The following MTFR1 variants were observed in gnomAD, a reference collection of about 807,000 sequenced individuals.
MTFR1 encodes the protein chondrocyte protein with a poly-proline region.
In MTFR1, 28 loss-of-function variants were observed where a neutral mutation model predicts 38.8. That is an observed-to-expected ratio of 0.72 (90% CI 0.53 to 0.99). The LOEUF is 0.99. MTFR1 is among the 50% of genes least tolerant of loss of function. The pLI is 0.00. For missense variants in MTFR1, 358 were observed against 395.5 expected (o/e 0.91, Z 0.81); for synonymous variants, 145 against 137.0 (o/e 1.06, Z -0.41).
chr8:65,691,839 C>T (rs1805291168), intron 3 of MTFR1, among the ~76,000 whole-genome samples: 1 of 152,100 alleles, frequency 6.6e-6, no homozygotes, highest in Non-Finnish European at 1.5e-5. Flanking sequence ...TTTAATGCTA[C>T]TTTATTAAGT....
In MTFR1 at chr8:65,745,984, G is replaced by C. The variant is rs780147549; in HGVS notation, c.*49-24963G>C. ...TCACTGTCACCAAGGCTGGAATGCA[G>C]TGGCACAAACAAGACGGCTCACTGC... On this transcript the variant is annotated intron_variant, in intron 3 of 3. Transcript: ENST00000521247. Among the ~76,000 whole-genome samples, 10 of 151,954 alleles carry C rather than the reference G, an allele frequency of 6.6e-5. No homozygotes were observed. In the South Asian group the frequency reaches 1.0e-3, roughly 16 times the overall value.
At position 65,682,395 on chromosome 8, in the gene MTFR1, G is replaced by T. The variant is rs535623523; in HGVS notation, c.109G>T (p.Val37Leu). Residue 37 changes from valine to leucine, a missense_variant, in exon 3 of 8, where the codon GTA becomes TTA. Val to Leu is a conservative substitution (Grantham distance 32). Coordinates refer to ENST00000262146, the MANE Select transcript of MTFR1 (RefSeq NM_014637.4). ...RKPYGSSRSI[V>L]RKIGTNLSLI... Reference sequence around the variant, plus strand: ...GCCATATGGTTCGTCTCGAAGTATCGTAAGGAAAATTGGTACTAATTTGTC... The same window carrying T: ...GCCATATGGTTCGTCTCGAAGTATCTTAAGGAAAATTGGTACTAATTTGTC... The T allele has an allele frequency of 6.4e-7, 1 of 1,571,694 alleles. No individual in the cohort carries two copies. Among genetic ancestry groups the T allele is most frequent in the Non-Finnish European group, 8.6e-7 (1 of 1,158,142 alleles).
chr8:65,777,222 G>C, the MTFR1 span, among the ~76,000 whole-genome samples: 2 of 151,746 alleles, frequency 1.3e-5, no homozygotes, highest in Non-Finnish European at 2.9e-5. Context: ...TGGGATTACA[G>C]GCATGCACCA....
chr8:65,706,923 AT>A, intron 5 of MTFR1, 86 bp from the exon 6 acceptor site: 1 of 1,448,906 alleles, frequency 6.9e-7, no homozygotes, highest in South Asian at 1.4e-5. Flanking sequence ...GGGTACAAAA[AT>A]CTTTAACATC....
chr8:65,704,482 A>G (rs1203822904), intron 4 of MTFR1, among the ~76,000 whole-genome samples: 1 of 152,236 alleles, frequency 6.6e-6, no homozygotes, highest in East Asian at 1.9e-4. Context: ...ATTGACTAAG[A>G]AAAATGATGG....
chr8:65,755,471 T>C (rs1255585927), intron 3 of MTFR1, among the ~76,000 whole-genome samples: 1 of 152,242 alleles, frequency 6.6e-6, no homozygotes, highest in Non-Finnish European at 1.5e-5. Context: ...TATAAAGACC[T>C]AGTTTGAATA....
chr8:65,699,749 C>G lies in MTFR1; in HGVS notation c.282-4945C>G, dbSNP rs191245561. 4.5e-3 allele frequency among the ~76,000 whole-genome samples: 683 copies of G among 152,300 alleles called. 7 individuals are homozygous for G. The highest frequency in any genetic ancestry group is 7.0e-3 in the Non-Finnish European group (474 of 68,026). ...TCCTGCCTGCTCTCTGCCATCTTCC[C>G]CGAATGGAATCTACCCTTCTGTGTT... On this transcript the variant is annotated intron_variant, in intron 4 of 7. Coordinates refer to ENST00000262146, the MANE Select transcript of MTFR1 (RefSeq NM_014637.4).
chr8:65,708,448 C>G (rs1349171313), intron 7 of MTFR1: 1 of 295,630 alleles, frequency 3.4e-6, no homozygotes, highest in East Asian at 9.5e-5. Flanking sequence ...CTCAGGGCAC[C>G]CTGTGAAAGT....
In MTFR1 at chr8:65,693,799, A is replaced by G. The variant is rs201003084; in HGVS notation, c.281+40A>G. On this transcript the variant is annotated intron_variant, in intron 4 of 7. Coordinates refer to ENST00000262146, the MANE Select transcript of MTFR1 (RefSeq NM_014637.4). The stretch of plus-strand genomic sequence containing the variant: ...CTATCAGAACTGAGATGCAATATCT[A>G]TTTTTTTAAAGAATGATATTATTTG... 7.6e-5 allele frequency: 111 copies of G among 1,452,372 alleles called. No homozygotes were observed. In the African/African-American group the frequency reaches 1.0e-3, roughly 13 times the overall value. 90.0% of individuals were successfully genotyped at this position (1,452,372 alleles called of 1,614,324 possible). A position where few individuals can be genotyped will look rare whatever the true frequency, so the allele number is the denominator to read the frequency against.
chr8:65,747,777 A>G, intron 3 of MTFR1: 1 of 1,608,190 alleles, frequency 6.2e-7, no homozygotes, highest in Non-Finnish European at 8.5e-7. Context: ...TTCCTTGCAG[A>G]GACAGACACT....
chr8:65,757,092 T>A (rs1293183610), intron 3 of MTFR1, among the ~76,000 whole-genome samples: 1 of 152,098 alleles, frequency 6.6e-6, no homozygotes, highest in Admixed American at 6.5e-5. Flanking sequence ...TATGGAAGCT[T>A]CATAATGTCA....
intron 1 of MTFR1, among the ~76,000 whole-genome samples, chr8:65,666,610 A>G (rs550831064): frequency 6.6e-6 from 1 of 152,310 alleles, no homozygotes; most frequent in Non-Finnish European, 1.5e-5. Flanking sequence ...CAAATAGAAG[A>G]TAATTTGATA....
intron 3 of MTFR1, among the ~76,000 whole-genome samples, chr8:65,758,252 C>T (rs76251217): frequency 0.093 from 14,193 of 152,118 alleles, 818 homozygotes; most frequent in Non-Finnish European, 0.13. Flanking sequence ...GAAGGCACAA[C>T]CCACCCCCAT....
At position 65,709,031 on chromosome 8, in the gene MTFR1, T is replaced by C; in HGVS notation, c.989T>C (p.Val330Ala). 6 of 1,613,992 alleles carry C rather than the reference T, an allele frequency of 3.7e-6. No individual in the cohort carries two copies. The Middle Eastern group carries it at 4.9e-4, about 133-fold the overall frequency. Residue 330 changes from valine to alanine, a missense_variant, in exon 8 of 8, where the codon GTA (valine) becomes GCA (alanine). By Grantham distance (64) the Val-to-Ala change is moderately conservative. Coordinates refer to ENST00000262146, the MANE Select transcript of MTFR1 (RefSeq NM_014637.4). ...TGKMKALIEN[V>A]SDS ...AAAATGAAGGCTTTAATTGAAAATGTATCAGACTCCTAATAGACAATGAGC... is the reference window on the plus strand; with the variant it reads ...AAAATGAAGGCTTTAATTGAAAATGCATCAGACTCCTAATAGACAATGAGC...
At chr8:65,655,951 A>AAATATATATATATATGT (rs1554545336) in intron 1 of MTFR1, among the ~76,000 whole-genome samples, 10 of 55,380 alleles carry the variant, frequency 1.8e-4, no homozygotes, top group South Asian at 1.6e-3. Context: ...TAAAAAAAAA[A>AAATATATATATATATGT]ATATATATAT....
chr8:65,692,310 T>C (rs779113719), intron 3 of MTFR1, among the ~76,000 whole-genome samples: 1 of 152,196 alleles, frequency 6.6e-6, no homozygotes, highest in Non-Finnish European at 1.5e-5. Context: ...TTTTTTGTTT[T>C]TCAAGATAAA....
chr8:65,706,943 T>C, intron 5 of MTFR1, 67 bp from the exon 6 acceptor site: 1 of 1,507,076 alleles, frequency 6.6e-7, no homozygotes, highest in Non-Finnish European at 8.9e-7. Context: ...TCATTTTGCT[T>C]TTAAAAACTG....
At chr8:65,691,644 GT>G (rs1439833646) in intron 3 of MTFR1, among the ~76,000 whole-genome samples, 1 of 151,962 alleles carries the variant, frequency 6.6e-6, no homozygotes, top group Non-Finnish European at 1.5e-5. Context: ...TTGTTAACAT[GT>G]TTTTGGATTT....
At chr8:65,750,682 T>C (rs1184117507) in intron 3 of MTFR1, among the ~76,000 whole-genome samples, 1 of 152,136 alleles carries the variant, frequency 6.6e-6, no homozygotes, top group African/African-American at 2.4e-5. Context: ...AGTCAATTGG[T>C]ACTGTCTGGG....
Sources: gnomAD v4.1 joint callset for allele counts (sites outside exome capture counted in the v4.1 genomes callset) on GRCh38, gnomAD v4.1.1 for gene constraint, MANE v1.5 for transcripts, NCBI Gene and HGNC (gene_info 2026-07-23, HGNC 2026-07-21) for gene names.